RPS6KA3: variants seen among roughly 807,000 people sequenced by gnomAD.
RPS6KA3 encodes ribosomal protein S6 kinase alpha-3.
A neutral mutation model predicts 67.2 loss-of-function variants in RPS6KA3; 4 were observed. The ratio of observed to expected loss-of-function variants is 0.06; its 90% CI spans 0.03 to 0.14. The LOEUF (loss-of-function observed/expected upper bound fraction) is 0.14, where lower values mean the gene tolerates loss of function less well. RPS6KA3 is among the 10% of genes least tolerant of loss of function. The pLI is 1.00. For missense variants in RPS6KA3, 204 were observed against 559.0 expected, an observed-to-expected ratio of 0.36 and a Z score of 6.40; for synonymous variants, 182 against 183.7, an observed-to-expected ratio of 0.99 and a Z score of 0.07.
At chrX:20,258,252 T>C (rs1269139331) in intron 1 of RPS6KA3, among the ~76,000 whole-genome samples, 2 of 112,055 alleles carry the variant, frequency 1.8e-5, no homozygotes, top group South Asian at 3.6e-4. Flanking sequence ...CACATATAGA[T>C]AGCAGCTACT....
At chrX:20,253,018 A>C (rs181453375) in intron 1 of RPS6KA3, among the ~76,000 whole-genome samples, 1,489 of 110,673 alleles carry the variant, frequency 0.013, 12 homozygotes, top group Non-Finnish European at 0.02. Context: ...ACTAGACCCC[A>C]CTGCTGCTAG....
chrX:20,252,848 C>T (rs985726261), intron 1 of RPS6KA3, among the ~76,000 whole-genome samples: 18 of 111,390 alleles, frequency 1.6e-4, no homozygotes, highest in African/African-American at 4.9e-4. Context: ...CACTGGGCCC[C>T]ACTGACATTA....
At chrX:20,189,324 T>C (rs898499094) in intron 7 of RPS6KA3, among the ~76,000 whole-genome samples, 1 of 112,551 alleles carries the variant, frequency 8.9e-6, no homozygotes, top group African/African-American at 3.2e-5. Flanking sequence ...ACAAGAAATG[T>C]TGAATGAATA....
At chrX:20,218,979 T>C in intron 2 of RPS6KA3, 1 of 460,814 alleles carries the variant, frequency 2.2e-6, no homozygotes, top group South Asian at 4.5e-5. Flanking sequence ...GTCCTGAAAA[T>C]GCTAGAAAAA....
intron 1 of RPS6KA3, among the ~76,000 whole-genome samples, chrX:20,259,414 A>C (rs1227617525): frequency 8.9e-6 from 1 of 111,949 alleles, no homozygotes; most frequent in Non-Finnish European, 1.9e-5. Context: ...GTGAATCAAA[A>C]GTGTAAATTA....
At chrX:20,232,314 C>T (rs1318902499) in intron 2 of RPS6KA3, among the ~76,000 whole-genome samples, 1 of 112,588 alleles carries the variant, frequency 8.9e-6, no homozygotes, top group Non-Finnish European at 1.9e-5. Flanking sequence ...GTGGCTCTCG[C>T]CTGTAATCCC....
intron 2 of RPS6KA3, among the ~76,000 whole-genome samples, chrX:20,233,376 A>G (rs191330109): frequency 0.016 from 1,777 of 110,976 alleles, 39 homozygotes; most frequent in African/African-American, 0.055. Flanking sequence ...TCACAAAAAC[A>G]GGGGAAAATT....
At chrX:20,227,699 A>T (rs1026155762) in intron 2 of RPS6KA3, among the ~76,000 whole-genome samples, 4 of 110,173 alleles carry the variant, frequency 3.6e-5, no homozygotes, top group African/African-American at 1.3e-4. Flanking sequence ...TTTTTTTAAA[A>T]TTTGGTATTT....
At chrX:20,156,038 G>A (rs992611591) in intron 21 of RPS6KA3, 71 bp downstream of exon 21, 3 of 1,054,651 alleles carry the variant, frequency 2.8e-6, no homozygotes, top group Non-Finnish European at 4.0e-6. Context: ...GGTGCTGGGG[G>A]CATGGACAGG....
At chrX:20,169,566 C>T (rs1411344793) in intron 15 of RPS6KA3, 75 bp from the exon 16 acceptor site, 1 of 625,939 alleles carries the variant, frequency 1.6e-6, no homozygotes, top group African/African-American at 2.2e-5. Context: ...AGCTACAGAC[C>T]TTGGGTATTA....
In RPS6KA3 at chrX:20,266,893, G is replaced by C. The variant is rs902882145; in HGVS notation, c.-261C>G. 9.1e-6 allele frequency: 5 copies of C among 549,896 alleles called. No homozygotes were observed. Among genetic ancestry groups the C allele is most frequent in the Admixed American group, 8.9e-5 (1 of 11,277 alleles). 45.3% of individuals were successfully genotyped at this position (549,896 alleles called of 1,213,427 possible). On this transcript the variant is annotated 5_prime_UTR_variant, in exon 1 of 22. Coordinates refer to ENST00000379565, the MANE Select transcript of RPS6KA3 (RefSeq NM_004586.3). ...GAGCCTCGCGCCTCCGCTGGGCACC[G>C]GGTCTCGCCCCTTTCTTCCTCTCCT...
At chrX:20,257,820 TA>T (rs2070114896) in intron 1 of RPS6KA3, among the ~76,000 whole-genome samples, 1 of 111,757 alleles carries the variant, frequency 8.9e-6, no homozygotes, top group Non-Finnish European at 1.9e-5. Context: ...AACTTGTAAT[TA>T]CAACATTTTT....
intron 2 of RPS6KA3, among the ~76,000 whole-genome samples, chrX:20,226,085 G>A (rs2069114044): frequency 9.0e-6 from 1 of 111,559 alleles, no homozygotes; most frequent in African/African-American, 3.3e-5. Context: ...GGGAGGCTGA[G>A]GCAGGAGAAC....
intron 4 of RPS6KA3, among the ~76,000 whole-genome samples, chrX:20,201,201 T>A (rs955776101): frequency 2.7e-5 from 3 of 110,845 alleles, no homozygotes; most frequent in African/African-American, 9.9e-5. Context: ...AGTGGTGTGA[T>A]CACAGCTCAC....
At chrX:20,233,998 T>C (rs1471449314) in intron 2 of RPS6KA3, among the ~76,000 whole-genome samples, 1 of 112,237 alleles carries the variant, frequency 8.9e-6, no homozygotes, top group African/African-American at 3.2e-5. Context: ...ATTTAATGAG[T>C]ATCCATTATG....
chrX:20,187,435 G>A (rs1159574909), intron 9 of RPS6KA3, among the ~76,000 whole-genome samples: 1 of 105,930 alleles, frequency 9.4e-6, no homozygotes, highest in Non-Finnish European at 2.0e-5. Flanking sequence ...AACTCCTGAC[G>A]TCAGGTGATC....
intron 20 of RPS6KA3, among the ~76,000 whole-genome samples, chrX:20,156,895 GAA>G (rs11309187): frequency 0.015 from 1,567 of 104,980 alleles, 27 homozygotes; most frequent in African/African-American, 0.052. Context: ...TGGTAATACT[GAA>G]AAAAAAAAAC....
At chrX:20,165,885 C>A (rs2067424102) in intron 17 of RPS6KA3, among the ~76,000 whole-genome samples, 1 of 111,134 alleles carries the variant, frequency 9.0e-6, no homozygotes, top group South Asian at 3.8e-4. Context: ...TGTTTCAAGA[C>A]CCCCAGTGGA....
At chrX:20,160,577 C>T (rs1319504895) in intron 20 of RPS6KA3, among the ~76,000 whole-genome samples, 1 of 110,741 alleles carries the variant, frequency 9.0e-6, no homozygotes, top group Non-Finnish European at 1.9e-5. Flanking sequence ...CAGGCACCTG[C>T]TACCACACCT....
Sources: gnomAD v4.1 joint callset for allele counts (sites outside exome capture counted in the v4.1 genomes callset) on GRCh38, gnomAD v4.1.1 for gene constraint, MANE v1.5 for transcripts, NCBI Gene and HGNC (gene_info 2026-07-23, HGNC 2026-07-21) for gene names.